The following P2RY6 variants were observed in gnomAD, a reference collection of about 807,000 sequenced individuals.
The protein encoded by P2RY6 is P2Y purinoceptor 6.
Under a neutral mutation model 16.3 loss-of-function variants are expected in P2RY6, and 19 were observed. That is an observed-to-expected ratio of 1.16 (90% confidence interval 0.81 to 1.71). The LOEUF (loss-of-function observed/expected upper bound fraction) is 1.71. P2RY6 is among the 40% of genes most tolerant of loss of function. The pLI is 0.00. For synonymous variants in P2RY6, 184 were observed against 201.5 expected, an observed-to-expected ratio of 0.91 and a Z score of 0.74; for missense variants, 389 against 455.5, an observed-to-expected ratio of 0.85 and a Z score of 1.33.
At chr11:73,275,955 C>CA (rs1292483963) in intron 1 of P2RY6, among the ~76,000 whole-genome samples, 2 of 152,140 alleles carry the variant, frequency 1.3e-5, no homozygotes, top group Non-Finnish European at 2.9e-5. Context: ...AACTGAGACT[C>CA]AGAGAGTTAA....
At chr11:73,274,770 G>A (rs1001864829) in intron 1 of P2RY6, among the ~76,000 whole-genome samples, 1 of 152,196 alleles carries the variant, frequency 6.6e-6, no homozygotes, top group Non-Finnish European at 1.5e-5. Context: ...CTGGCAACAG[G>A]TGCCCATTAC....
chr11:73,273,413 G>A (rs569970883), intron 1 of P2RY6, among the ~76,000 whole-genome samples: 73 of 152,296 alleles, frequency 4.8e-4, no homozygotes, highest in Non-Finnish European at 9.1e-4. Context: ...ATCTGTGTGT[G>A]TGCCAAGCCC....
chr11:73,285,067 G>A (rs1045641943), intron 1 of P2RY6, among the ~76,000 whole-genome samples: 1 of 152,166 alleles, frequency 6.6e-6, no homozygotes, highest in African/African-American at 2.4e-5. Flanking sequence ...ACCTGAGGGG[G>A]TCTGTCCTAC....
At chr11:73,287,788 C>T (rs1353098836) in intron 1 of P2RY6, among the ~76,000 whole-genome samples, 1 of 152,258 alleles carries the variant, frequency 6.6e-6, no homozygotes, top group Non-Finnish European at 1.5e-5. Context: ...GAGCTTCTCC[C>T]ACTAGCTCCA....
Position 73,291,377 on chromosome 11 carries a change from G to A in P2RY6, c.-120-4353G>A, listed in dbSNP as rs1355738172. On this transcript the variant is annotated intron_variant, in intron 1 of 2. Coordinates refer to ENST00000540124, the MANE Select transcript of P2RY6 (RefSeq NM_001277204.2). ...TCCTGGGACAGTGACCCGCCCTGCT[G>A]GGAGTGGGTACGGGAGGTTGTCCCA... is the stretch of plus-strand genomic sequence containing the variant. 2.6e-5 allele frequency among the ~76,000 whole-genome samples: 4 copies of A among 152,300 alleles called. No homozygotes were observed. In the East Asian group the frequency reaches 7.7e-4, roughly 29 times the overall value.
upstream of P2RY6, chr11:73,270,250 G>A (rs1475689298): frequency 1.3e-5 from 2 of 152,288 alleles, no homozygotes; most frequent in Non-Finnish European, 2.9e-5. Context: ...ACAGCAAGCT[G>A]AGGCAGGGTT....
intron 1 of P2RY6, among the ~76,000 whole-genome samples, chr11:73,283,815 G>T (rs564189502): frequency 9.2e-5 from 14 of 152,184 alleles, no homozygotes; most frequent in Admixed American, 2.0e-4. Context: ...CAGACGGAGA[G>T]GCACGAGGGG....
chr11:73,277,381 C>T (rs1306363166), intron 1 of P2RY6, among the ~76,000 whole-genome samples: 1 of 148,278 alleles, frequency 6.7e-6, no homozygotes, highest in East Asian at 1.9e-4. Flanking sequence ...AGCTACTGGG[C>T]CCAGCTAGAA....
Position 73,297,357 on chromosome 11 carries a change from C to T in P2RY6, c.839C>T (p.Ala280Val), listed in dbSNP as rs754754550. The T allele has an allele frequency of 1.9e-6, 3 of 1,612,256 alleles. No homozygotes were observed. Among genetic ancestry groups the T allele is most frequent in the Middle Eastern group, 1.7e-4 (1 of 6,060 alleles). ...CCCTGCACTGTATTGGAGGCCTTTG[C>T]AGCGGCCTACAAAGGCACGCGGCCG... ...GVPCTVLEAF[A>V]AAYKGTRPFA... is the part of the protein sequence containing the mutation. Residue 280 changes from alanine (A) to valine (V), a missense_variant, in exon 3 of 3, where the codon GCA becomes GTA. Coordinates refer to ENST00000540124, the MANE Select transcript of P2RY6 (RefSeq NM_001277204.2).
Position 73,297,389 on chromosome 11 carries a change from A to C in P2RY6, c.871A>C (p.Ser291Arg). ...CTACAAAGGCACGCGGCCGTTTGCC[A>C]GTGCCAACAGCGTGCTGGACCCCAT... ...AAYKGTRPFA[S>R]ANSVLDPILF... The change falls in exon 3 of 3, where the codon AGT becomes CGT. Residue 291 changes from serine to arginine, a missense_variant. Transcript: ENST00000540124. 1 of 1,612,322 alleles carries C rather than the reference A, an allele frequency of 6.2e-7. No homozygotes were observed. Among genetic ancestry groups the C allele is most frequent in the Non-Finnish European group, 8.5e-7 (1 of 1,180,012 alleles).
Position 73,290,224 on chromosome 11 carries a change from AAAAG to A in P2RY6, c.-120-5492_-120-5489del, listed in dbSNP as rs576513356. On this transcript the variant is annotated intron_variant, in intron 1 of 2. Transcript: ENST00000540124. ...GCAACAAGAGTGAAACTCCGTCAAA[AAAAG>A]AAAGAAAGAAAGAGAGAGTCAGAGA... 2.0e-3 allele frequency among the ~76,000 whole-genome samples: 310 copies of A among 151,774 alleles called. 2 individuals are homozygous for A. Among genetic ancestry groups the A allele is most frequent in the Admixed American group, 3.4e-3 (52 of 15,230 alleles).
intron 1 of P2RY6, among the ~76,000 whole-genome samples, chr11:73,280,443 C>A (rs148033746): frequency 3.3e-5 from 5 of 152,328 alleles, no homozygotes; most frequent in African/African-American, 1.2e-4. Context: ...TGTTCACCAT[C>A]CTTCAACAGG....
chr11:73,282,666 T>C (rs1413884491), intron 1 of P2RY6, among the ~76,000 whole-genome samples: 1 of 152,164 alleles, frequency 6.6e-6, no homozygotes, highest in East Asian at 1.9e-4. Context: ...TCTTCATCTG[T>C]CTTTTCCACT....
chr11:73,276,229 T>G (rs561105031), intron 1 of P2RY6, among the ~76,000 whole-genome samples: 2 of 152,356 alleles, frequency 1.3e-5, no homozygotes, highest in African/African-American at 4.8e-5. Flanking sequence ...ATAACAAGTG[T>G]TGCCGAGGAT....
At chr11:73,274,540 CA>C (rs59442426) in intron 1 of P2RY6, among the ~76,000 whole-genome samples, 7,712 of 68,344 alleles carry the variant, frequency 0.11, 514 homozygotes, top group African/African-American at 0.28. Context: ...GAGACTGTCT[CA>C]AAAAAAAAAA....
At chr11:73,275,093 A>G (rs1863483642) in intron 1 of P2RY6, among the ~76,000 whole-genome samples, 1 of 152,232 alleles carries the variant, frequency 6.6e-6, no homozygotes, top group African/African-American at 2.4e-5. Context: ...GAGATGGCGT[A>G]GGCTGGGTCA....
At chr11:73,282,442 A>G (rs1293861908) in intron 1 of P2RY6, among the ~76,000 whole-genome samples, 1 of 152,172 alleles carries the variant, frequency 6.6e-6, no homozygotes, top group African/African-American at 2.4e-5. Context: ...ATGACCCCAC[A>G]GCCTTACCTC....
chr11:73,297,173 C>T lies in P2RY6; in HGVS notation c.655C>T (p.Leu219=). 6.2e-7 allele frequency: 1 copy of T among 1,604,320 alleles called. No individual in the cohort carries two copies. Among genetic ancestry groups the T allele is most frequent in the Non-Finnish European group, 8.5e-7 (1 of 1,179,732 alleles). Residue 219 remains leucine, a synonymous_variant, in exon 3 of 3, where the codon CTG becomes TTG. Transcript: ENST00000540124. ...CTGCTACTGTCTCCTGGCCTGCCGC[C>T]TGTGCCGCCAGGATGGCCCGGCAGA... The part of the protein sequence containing the change: ...LACYCLLACR[L]CRQDGPAEPV...
chr11:73,292,218 A>G (rs1327114008), intron 1 of P2RY6, among the ~76,000 whole-genome samples: 1 of 152,250 alleles, frequency 6.6e-6, no homozygotes, highest in Non-Finnish European at 1.5e-5. Context: ...TCGCTGTGAA[A>G]TGGGGGAATG....
Sources: allele counts gnomAD v4.1 joint callset (sites outside exome capture counted in the v4.1 genomes callset), GRCh38; gene constraint gnomAD v4.1.1; transcripts MANE v1.5; gene names NCBI Gene and HGNC (gene_info 2026-07-23, HGNC 2026-07-21).